The following SP140 variants were observed in gnomAD, a reference collection of about 807,000 sequenced individuals.
SP140 encodes the protein nuclear body protein SP140.
Under a neutral mutation model 125.0 loss-of-function variants are expected in SP140, and 81 were observed. The ratio of observed to expected loss-of-function variants is 0.65; its 90% CI spans 0.54 to 0.78. The LOEUF is 0.78. Ranked by LOEUF, SP140 falls within the 30% of genes least tolerant of loss-of-function variation. The probability of loss-of-function intolerance (pLI) is 0.00; values close to 1 mark genes in which losing one functional copy is unlikely to be tolerated. For synonymous variants in SP140, 312 were observed against 354.0 expected, an observed-to-expected ratio of 0.88 and a Z score of 1.33; for missense variants, 858 against 1,037.0, an observed-to-expected ratio of 0.83 and a Z score of 2.37.
chr2:230,251,156 C>A (rs757285230), intron 10 of SP140, 95 bp downstream of exon 10: 77 of 994,868 alleles, frequency 7.7e-5, no homozygotes, highest in Non-Finnish European at 1.2e-4. Flanking sequence ...TCCAAGTATA[C>A]TTCACAGTGA....
upstream of SP140, chr2:230,200,670 A>G: frequency 1.7e-6 from 1 of 596,404 alleles, no homozygotes; most frequent in Admixed American, 2.9e-5. Context: ...GCAGATATAC[A>G]TACATACATA....
intron 14 of SP140, among the ~76,000 whole-genome samples, chr2:230,270,322 A>G (rs964234195): frequency 2.6e-5 from 4 of 152,170 alleles, no homozygotes; most frequent in African/African-American, 4.8e-5. Context: ...TCAAAAGACA[A>G]CTAATCCCGG....
chr2:230,224,639 A>AG (rs1174128315), upstream of SP140, among the ~76,000 whole-genome samples: 1 of 152,206 alleles, frequency 6.6e-6, no homozygotes, highest in Admixed American at 6.5e-5. Context: ...GAAGTGTGGA[A>AG]GGGGTAGAAA....
At chr2:230,216,689 C>T in intron 3 of SP140, 2 of 1,517,444 alleles carry the variant, frequency 1.3e-6, no homozygotes, top group South Asian at 2.3e-5. Context: ...CTTCCAAACT[C>T]TGGAAGCCCT....
chr2:230,255,356 A>G (rs1237399811), intron 11 of SP140, 96 bp from the exon 12 acceptor site: 11 of 1,423,750 alleles, frequency 7.7e-6, no homozygotes, highest in Non-Finnish European at 1.1e-5. Context: ...TACCTGAGAG[A>G]TACTTCAGCT....
chr2:230,310,689 C>T lies in SP140; in HGVS notation c.2175-54C>T, dbSNP rs890932122. 39 of 1,205,636 alleles carry T rather than the reference C, an allele frequency of 3.2e-5. 1 individual carries two copies. Among genetic ancestry groups the T allele is most frequent in the Middle Eastern group, 2.7e-4 (1 of 3,766 alleles). 74.7% of individuals were successfully genotyped at this position (1,205,636 alleles called of 1,614,324 possible). A position where few individuals can be genotyped will look rare whatever the true frequency, so the allele number is the denominator to read the frequency against. ...AGGAAGACAGTGGTAGCCACAGGAA[C>T]GGTGGCCATTTCCAAGCTCCCTGCC... On this transcript the variant is annotated intron_variant, in intron 23 of 26. Coordinates refer to ENST00000392045, the MANE Select transcript of SP140 (RefSeq NM_007237.5).
At chr2:230,215,839 G>A (rs1353531236) in intron 3 of SP140, among the ~76,000 whole-genome samples, 1 of 152,198 alleles carries the variant, frequency 6.6e-6, no homozygotes, top group African/African-American at 2.4e-5. Context: ...ATTGAGAGTA[G>A]TGTTACGGAG....
intron 22 of SP140, among the ~76,000 whole-genome samples, chr2:230,299,625 A>G (rs570495618): frequency 1.3e-4 from 20 of 152,194 alleles, no homozygotes; most frequent in Non-Finnish European, 2.8e-4. Flanking sequence ...TGAAGTACAG[A>G]TATAAGTGCA....
intron 1 of SP140, among the ~76,000 whole-genome samples, chr2:230,207,282 G>C (rs1195754926): frequency 1.3e-5 from 2 of 152,136 alleles, no homozygotes; most frequent in Admixed American, 6.5e-5. Flanking sequence ...AGCTCTCTTA[G>C]CATTGCCTTT....
intron 23 of SP140, chr2:230,310,357 TTTGTGCTTA>T: frequency 2.1e-6 from 1 of 481,162 alleles, no homozygotes; most frequent in Non-Finnish European, 3.8e-6. Flanking sequence ...TTGTTTATAT[TTTGTGCTTA>T]TTCATACAAG....
chr2:230,253,985 T>A (rs2050769368), intron 11 of SP140, among the ~76,000 whole-genome samples: 1 of 152,140 alleles, frequency 6.6e-6, no homozygotes, highest in Non-Finnish European at 1.5e-5. Flanking sequence ...GTGGACATTT[T>A]ACAGGCATCT....
At chr2:230,189,344 T>C in the SP140 span, among the ~76,000 whole-genome samples, 2 of 152,202 alleles carry the variant, frequency 1.3e-5, no homozygotes, top group Non-Finnish European at 2.9e-5. Flanking sequence ...TTAAAAGCAC[T>C]GCTTTTGCTG....
chr2:230,270,684 G>A (rs755628404), intron 15 of SP140, 45 bp downstream of exon 15: 177 of 1,487,446 alleles, frequency 1.2e-4, no homozygotes, highest in Middle Eastern at 1.7e-4. Context: ...TTACAAATAC[G>A]TTTTTAATGC....
At chr2:230,309,861 C>A in intron 22 of SP140, 63 bp from the exon 23 acceptor site, 4 of 1,569,964 alleles carry the variant, frequency 2.5e-6, no homozygotes, top group Non-Finnish European at 3.5e-6. Context: ...TCTAGTTGCC[C>A]AGAGGGTTGG....
chr2:230,210,027 G>A lies in SP140; in HGVS notation c.-322-3627G>A, dbSNP rs1422017681. The A allele has an allele frequency of 6.9e-7, 1 of 1,459,760 alleles. No individual in the cohort carries two copies. The highest frequency in any genetic ancestry group is 2.3e-5 in the East Asian group (1 of 44,180). The allele number at this position is 1,459,760 out of a possible 1,614,324, so 90.4% of individuals were successfully genotyped here. A position where few individuals can be genotyped will look rare whatever the true frequency, so the allele number is the denominator to read the frequency against. On this transcript the variant is annotated intron_variant, in intron 1 of 4. Transcript: ENST00000456542. ...CTTATCTCTGACAAAAGAAATATAA[G>A]TCATTTCAGAGCTCAGATCCAGTGA... is the stretch of plus-strand genomic sequence containing the variant.
chr2:230,249,214 C>CCTCTGGTAT (rs2049981019), intron 9 of SP140, among the ~76,000 whole-genome samples: 1 of 152,086 alleles, frequency 6.6e-6, no homozygotes, highest in African/African-American at 2.4e-5. Flanking sequence ...AACGAATATA[C>CCTCTGGTAT]CAGAGGTAGG....
At chr2:230,255,393 T>A in intron 11 of SP140, 59 bp from the exon 12 acceptor site, 1 of 1,587,916 alleles carries the variant, frequency 6.3e-7, no homozygotes, top group South Asian at 1.1e-5. Context: ...AGTTTTCTCT[T>A]CATGATTTTT....
In SP140 at chr2:230,241,413, A is replaced by T; in HGVS notation, c.416A>T (p.Glu139Val). Reference protein sequence around the residue: ...IYRSFQNVCYEHSPLQMNNVN... With the variant: ...IYRSFQNVCYVHSPLQMNNVN... ...ACATTGTTTTCCTCAGTATGCTATG[A>T]ACACTCACCTCTCCAAATGAATAAT... The change falls in exon 4 of 27, where the codon GAA becomes GTA. Residue 139 changes from glutamate (E) to valine (V), a missense_variant. Physicochemically the swap from Glu to Val is moderately radical, Grantham distance 121. Transcript: ENST00000392045. 1 of 1,591,660 alleles carries T rather than the reference A, an allele frequency of 6.3e-7. No individual in the cohort carries two copies. Among genetic ancestry groups the T allele is most frequent in the Non-Finnish European group, 8.6e-7 (1 of 1,159,636 alleles).
intron 15 of SP140, among the ~76,000 whole-genome samples, chr2:230,272,930 T>G (rs2054155781): frequency 6.6e-6 from 1 of 152,152 alleles, no homozygotes; most frequent in South Asian, 2.1e-4. Flanking sequence ...TTACACCATA[T>G]ACAAAAATTA....
Sources: allele counts gnomAD v4.1 joint callset (sites outside exome capture counted in the v4.1 genomes callset), GRCh38; gene constraint gnomAD v4.1.1; transcripts MANE v1.5; gene names NCBI Gene and HGNC (gene_info 2026-07-23, HGNC 2026-07-21).